Variants in SLC35F3 observed in about 807,000 individuals in gnomAD.
SLC35F3 encodes the protein solute carrier family 35 member F3.
In SLC35F3, 25 loss-of-function variants were observed where a neutral mutation model predicts 49.9. The ratio of observed to expected loss-of-function variants is 0.50; its 90% CI spans 0.37 to 0.70. The LOEUF (loss-of-function observed/expected upper bound fraction) is 0.70, where lower values mean the gene tolerates loss of function less well. SLC35F3 is among the 30% of genes least tolerant of loss of function. The pLI, the probability that SLC35F3 is intolerant of heterozygous loss-of-function variation, is 0.00. For missense variants in SLC35F3, 525 were observed against 639.8 expected (o/e 0.82, Z 1.94); for synonymous variants, 275 against 265.4 (o/e 1.04, Z -0.35).
chr1:234,123,034 G>C (rs1006695436), intron 2 of SLC35F3, among the ~76,000 whole-genome samples: 1 of 152,118 alleles, frequency 6.6e-6, no homozygotes, highest in East Asian at 1.9e-4. Flanking sequence ...GATCCTTGAG[G>C]AATTGCCACA....
chr1:233,954,981 T>A (rs1026350508), intron 2 of SLC35F3, among the ~76,000 whole-genome samples: 1 of 152,106 alleles, frequency 6.6e-6, no homozygotes, highest in Non-Finnish European at 1.5e-5. Context: ...GTAGCTGGGA[T>A]TACAGGCACA....
chr1:234,185,451 T>A (rs1666629461), intron 2 of SLC35F3, among the ~76,000 whole-genome samples: 1 of 152,222 alleles, frequency 6.6e-6, no homozygotes, highest in Admixed American at 6.5e-5. Context: ...ATTTTGTAAT[T>A]TTAAGTTAGG....
intron 3 of SLC35F3, among the ~76,000 whole-genome samples, chr1:234,275,059 G>A (rs74771468): frequency 0.02 from 3,011 of 152,132 alleles, 78 homozygotes; most frequent in African/African-American, 0.062. Context: ...CTCCCTCATC[G>A]GAAAATCCAA....
chr1:234,156,999 T>C (rs1666163884), intron 2 of SLC35F3, among the ~76,000 whole-genome samples: 2 of 152,034 alleles, frequency 1.3e-5, no homozygotes, highest in Non-Finnish European at 2.9e-5. Context: ...GGTACAGAGA[T>C]TTTGGGAGGA....
At chr1:234,260,348 T>G (rs1667883579) in intron 3 of SLC35F3, among the ~76,000 whole-genome samples, 1 of 152,114 alleles carries the variant, frequency 6.6e-6, no homozygotes, top group Admixed American at 6.5e-5. Context: ...ATGTTCTCAC[T>G]TAAAAAAAAG....
Position 234,247,682 on chromosome 1 carries a change from G to A in SLC35F3, c.608+15941G>A, listed in dbSNP as rs372145753. Among the ~76,000 whole-genome samples the A allele has an allele frequency of 6.0e-5, 9 of 151,242 alleles. No homozygotes were observed. In the South Asian group the frequency reaches 8.7e-4, roughly 15 times the overall value. On this transcript the variant is annotated intron_variant, in intron 3 of 7. Transcript: ENST00000366618. ...TGGCTGGTCAGTTGTTCTGTGGGTC[G>A]GTTGGCTGGTCCATTGTTCAGTGGG... is the stretch of plus-strand genomic sequence containing the variant.
At chr1:233,947,220 C>T (rs1472947638) in intron 2 of SLC35F3, among the ~76,000 whole-genome samples, 1 of 152,148 alleles carries the variant, frequency 6.6e-6, no homozygotes, top group Non-Finnish European at 1.5e-5. Flanking sequence ...GGGCTCAAGG[C>T]TACTTGAGAT....
rs1051861653 is a variant in SLC35F3 at position 234,231,317 on chromosome 1, C to G, written c.284-100C>G. The G allele has an allele frequency of 9.5e-7, 1 of 1,048,928 alleles. No homozygotes were observed. Among genetic ancestry groups the G allele is most frequent in the African/African-American group, 1.6e-5 (1 of 61,910 alleles). The allele number at this position is 1,048,928 out of a possible 1,614,324, so 65.0% of individuals were successfully genotyped here. A position where few individuals can be genotyped will look rare whatever the true frequency, so the allele number is the denominator to read the frequency against. On this transcript the variant is annotated intron_variant, in intron 2 of 7. Coordinates refer to ENST00000366618, the MANE Select transcript of SLC35F3 (RefSeq NM_173508.4). This position sits in a 1 kb window ranked among gnomAD's most constrained non-coding sequence, Gnocchi z 5.4. Reference sequence around the variant, plus strand: ...CCTGCACCCGCTATCTCCCCGGGCCCCCAGGTAGCTGGTGGTGACAATGGC... The same window carrying G: ...CCTGCACCCGCTATCTCCCCGGGCCGCCAGGTAGCTGGTGGTGACAATGGC...
intron 2 of SLC35F3, among the ~76,000 whole-genome samples, chr1:234,135,178 C>CA (rs771868959): frequency 3.9e-5 from 6 of 152,144 alleles, no homozygotes; most frequent in Admixed American, 1.3e-4. Context: ...AAAGGCTATA[C>CA]AGTGAACAGC....
intron 2 of SLC35F3, among the ~76,000 whole-genome samples, chr1:234,211,897 C>T (rs1359237966): frequency 2.0e-5 from 3 of 152,134 alleles, no homozygotes; most frequent in Non-Finnish European, 4.4e-5. Context: ...TTGGCAGTGT[C>T]CCCACCCAAA....
intron 2 of SLC35F3, among the ~76,000 whole-genome samples, chr1:234,135,729 C>T (rs539324907): frequency 5.1e-4 from 77 of 152,350 alleles, no homozygotes; most frequent in African/African-American, 1.8e-3. Flanking sequence ...GTCACATAAG[C>T]GCCCTCTGCC....
chr1:233,996,019 C>T (rs1254926986), intron 2 of SLC35F3, among the ~76,000 whole-genome samples: 4 of 152,142 alleles, frequency 2.6e-5, no homozygotes, highest in Non-Finnish European at 4.4e-5. Context: ...GAATTGTCCT[C>T]AACTGTGGGC....
At chr1:234,318,729 C>T in intron 5 of SLC35F3, 22 bp from the exon 6 acceptor site, 1 of 1,608,940 alleles carries the variant, frequency 6.2e-7, no homozygotes. Flanking sequence ...TTCACCCCGT[C>T]CTCCTCTGCT....
intron 2 of SLC35F3, among the ~76,000 whole-genome samples, chr1:233,935,000 C>G (rs536236869): frequency 9.2e-4 from 140 of 151,668 alleles, no homozygotes; most frequent in Non-Finnish European, 1.8e-3. Context: ...TTTGCAAGAG[C>G]TGACTTCCAG....
chr1:233,921,629 A>C (rs1401546730), intron 2 of SLC35F3, among the ~76,000 whole-genome samples: 1 of 152,130 alleles, frequency 6.6e-6, no homozygotes, highest in Non-Finnish European at 1.5e-5. Flanking sequence ...CAGGTAGTTG[A>C]AGTCACATAG....
intron 2 of SLC35F3, among the ~76,000 whole-genome samples, chr1:233,930,823 TG>T (rs1161785020): frequency 2.0e-5 from 3 of 152,206 alleles, no homozygotes; most frequent in Non-Finnish European, 4.4e-5. Context: ...ATTCATTAAA[TG>T]GAAGTGGATC....
chr1:234,117,374 C>T (rs963095985), intron 2 of SLC35F3, among the ~76,000 whole-genome samples: 1 of 151,766 alleles, frequency 6.6e-6, no homozygotes, highest in Non-Finnish European at 1.5e-5. Flanking sequence ...GGCAGATCAC[C>T]TGAGGTCGGA....
At chr1:234,241,659 C>T (rs185332901) in intron 3 of SLC35F3, among the ~76,000 whole-genome samples, 13 of 150,608 alleles carry the variant, frequency 8.6e-5, no homozygotes, top group Middle Eastern at 3.4e-3. Flanking sequence ...TGCTTGAATC[C>T]GGAAGGTGGA....
intron 2 of SLC35F3, among the ~76,000 whole-genome samples, chr1:233,961,184 A>G (rs1270730056): frequency 6.6e-6 from 1 of 152,058 alleles, no homozygotes; most frequent in African/African-American, 2.4e-5. Context: ...AAGAATATAG[A>G]TATAACCTAC....
Sources: gnomAD v4.1 joint callset for allele counts (sites outside exome capture counted in the v4.1 genomes callset) on GRCh38, gnomAD v4.1.1 for gene constraint, Gnocchi (gnomAD v3.1) non-coding constraint, MANE v1.5 for transcripts, NCBI Gene and HGNC (gene_info 2026-07-23, HGNC 2026-07-21) for gene names.